The following HS3ST2 variants were observed in gnomAD, a reference collection of about 807,000 sequenced individuals.
HS3ST2 encodes heparan sulfate glucosamine 3-O-sulfotransferase 2.
A neutral mutation model predicts 26.3 loss-of-function variants in HS3ST2; 17 were observed. That is an observed-to-expected ratio of 0.65 (90% CI 0.44 to 0.97). The LOEUF is 0.97. Among genes scored for constraint, HS3ST2 ranks in the 50% least tolerant of loss-of-function variants. The pLI, the probability that HS3ST2 is intolerant of heterozygous loss-of-function variation, is 0.00. For missense variants in HS3ST2, 402 were observed against 501.2 expected, an observed-to-expected ratio of 0.80 and a Z score of 1.89; for synonymous variants, 237 against 219.2, an observed-to-expected ratio of 1.08 and a Z score of -0.72.
intron 1 of HS3ST2, among the ~76,000 whole-genome samples, chr16:22,869,296 A>G (rs994230907): frequency 6.6e-6 from 1 of 152,156 alleles, no homozygotes; most frequent in Non-Finnish European, 1.5e-5. Flanking sequence ...TGGATTTAGC[A>G]TTAGATAGCT....
intron 1 of HS3ST2, among the ~76,000 whole-genome samples, chr16:22,838,902 C>G (rs957098265): frequency 6.6e-6 from 1 of 152,102 alleles, no homozygotes; most frequent in African/African-American, 2.4e-5. Flanking sequence ...TTCACCAGTC[C>G]AGGCCATTGC....
intron 1 of HS3ST2, among the ~76,000 whole-genome samples, chr16:22,818,072 T>C (rs961344478): frequency 2.0e-5 from 3 of 152,188 alleles, no homozygotes; most frequent in African/African-American, 7.2e-5. Flanking sequence ...CAGTGGGTTC[T>C]CTCCAATTTG....
intron 1 of HS3ST2, among the ~76,000 whole-genome samples, chr16:22,890,091 A>G (rs1004443298): frequency 3.3e-5 from 5 of 152,298 alleles, no homozygotes; most frequent in South Asian, 2.1e-4. Context: ...TCAGAAAAGA[A>G]AAAAGCTTCG....
At chr16:22,893,724 C>T (rs1186706511) in intron 1 of HS3ST2, among the ~76,000 whole-genome samples, 3 of 150,758 alleles carry the variant, frequency 2.0e-5, no homozygotes, top group African/African-American at 4.9e-5. Context: ...AACAGAAAAC[C>T]GAACACCACA....
chr16:22,905,957 GACGC>G (rs1165219506), intron 1 of HS3ST2, among the ~76,000 whole-genome samples: 1 of 152,140 alleles, frequency 6.6e-6, no homozygotes, highest in East Asian at 1.9e-4. Flanking sequence ...TTTTCTCCAA[GACGC>G]ACCCAGTTAA....
chr16:22,843,506 T>C (rs1901388511), intron 1 of HS3ST2, among the ~76,000 whole-genome samples: 1 of 152,182 alleles, frequency 6.6e-6, no homozygotes, highest in South Asian at 2.1e-4. Context: ...TTGATTAATT[T>C]GTTAGAGTGG....
intron 1 of HS3ST2, among the ~76,000 whole-genome samples, chr16:22,866,359 A>G (rs1473753022): frequency 1.5e-5 from 2 of 132,302 alleles, no homozygotes; most frequent in Non-Finnish European, 3.3e-5. Flanking sequence ...CAATTTGACA[A>G]TATGGTGTGC....
rs141360205 is a variant in HS3ST2 at position 22,901,821 on chromosome 16, C to G, written c.486-13123C>G. On this transcript the variant is annotated intron_variant, in intron 1 of 1. Transcript: ENST00000261374. ...GCCACTCCAGACATGTTTCCTCCCC[C>G]TCACTCCACAGTAGAGGCTTTCTTC... 1.1e-3 allele frequency among the ~76,000 whole-genome samples: 167 copies of G among 152,296 alleles called. 1 individual carries two copies. The highest frequency in any genetic ancestry group is 1.2e-3 in the Non-Finnish European group (81 of 68,016).
intron 1 of HS3ST2, among the ~76,000 whole-genome samples, chr16:22,866,897 T>A (rs1901765689): frequency 6.6e-6 from 1 of 152,212 alleles, no homozygotes; most frequent in Non-Finnish European, 1.5e-5. Context: ...GCCTGGCATA[T>A]ACCTGGATGT....
chr16:22,906,660 C>T (rs1183077381), intron 1 of HS3ST2, among the ~76,000 whole-genome samples: 2 of 152,208 alleles, frequency 1.3e-5, no homozygotes, highest in Non-Finnish European at 2.9e-5. Context: ...AGCTTGGACT[C>T]CCCCTCAGTC....
At chr16:22,833,503 G>A (rs1389622050) in intron 1 of HS3ST2, 2 of 372,778 alleles carry the variant, frequency 5.4e-6, no homozygotes, top group Non-Finnish European at 1.1e-5. Context: ...GCAGAGGATG[G>A]TGTCACTTCA....
At chr16:22,855,730 T>TCTCTCTCTC (rs1901585223) in intron 1 of HS3ST2, among the ~76,000 whole-genome samples, 3 of 87,908 alleles carry the variant, frequency 3.4e-5, no homozygotes, top group Non-Finnish European at 4.9e-5. Flanking sequence ...CTCTCTCTCT[T>TCTCTCTCTC]TCTCCTCTCC....
intron 1 of HS3ST2, among the ~76,000 whole-genome samples, chr16:22,878,401 C>T (rs1901947139): frequency 6.6e-6 from 1 of 152,208 alleles, no homozygotes; most frequent in African/African-American, 2.4e-5. Flanking sequence ...GAGACCTGCC[C>T]TGTCTTTGTT....
chr16:22,863,812 A>G (rs1473582453), intron 1 of HS3ST2, among the ~76,000 whole-genome samples: 1 of 152,182 alleles, frequency 6.6e-6, no homozygotes, highest in African/African-American at 2.4e-5. Context: ...AGGCCGTGCA[A>G]GAAGCTCAAT....
chr16:22,876,561 A>G lies in HS3ST2; in HGVS notation c.486-38383A>G, dbSNP rs553364562. 1.4e-4 allele frequency among the ~76,000 whole-genome samples: 22 copies of G among 152,354 alleles called. No individual in the cohort carries two copies. The South Asian group carries it at 4.1e-3, about 29-fold the overall frequency. On this transcript the variant is annotated intron_variant, in intron 1 of 1. Transcript: ENST00000261374. ...TGCTGCCAGTGTCAACGACACCACT[A>G]TGGAAAACCGTGTGGAGATTCCTTA...
intron 1 of HS3ST2, among the ~76,000 whole-genome samples, chr16:22,836,381 C>T (rs1901254568): frequency 6.6e-6 from 1 of 152,096 alleles, no homozygotes; most frequent in African/African-American, 2.4e-5. Context: ...GTGGCTTCTG[C>T]TTCTGGGAGG....
chr16:22,895,197 C>T (rs1485669384), intron 1 of HS3ST2, among the ~76,000 whole-genome samples: 1 of 151,604 alleles, frequency 6.6e-6, no homozygotes, highest in African/African-American at 2.4e-5. Flanking sequence ...TCAAGCTATT[C>T]TCCTGCCTCA....
chr16:22,868,688 T>G (rs1382685276), intron 1 of HS3ST2, among the ~76,000 whole-genome samples: 2 of 152,146 alleles, frequency 1.3e-5, no homozygotes, highest in African/African-American at 4.8e-5. Flanking sequence ...CTTACAATTC[T>G]GGGCACTGAT....
intron 1 of HS3ST2, among the ~76,000 whole-genome samples, chr16:22,882,287 G>C (rs1901999303): frequency 6.6e-6 from 1 of 152,154 alleles, no homozygotes; most frequent in Admixed American, 6.5e-5. Context: ...AATTGAGCCT[G>C]GGATGTTGAG....
Sources: gnomAD v4.1 joint callset for allele counts (sites outside exome capture counted in the v4.1 genomes callset) on GRCh38, gnomAD v4.1.1 for gene constraint, MANE v1.5 for transcripts, NCBI Gene and HGNC (gene_info 2026-07-23, HGNC 2026-07-21) for gene names.